The following GPBP1L1 variants were observed in gnomAD, a reference collection of about 807,000 sequenced individuals.
The protein encoded by GPBP1L1 is GC-rich promoter binding protein 1 like 1, also known as vasculin-like protein 1.
A neutral mutation model predicts 52.5 loss-of-function variants in GPBP1L1; 23 were observed. The observed-to-expected ratio is 0.44, with a 90% confidence interval of 0.32 to 0.62. The LOEUF (loss-of-function observed/expected upper bound fraction) is 0.62, where lower values mean the gene tolerates loss of function less well. Among genes scored for constraint, GPBP1L1 ranks in the 20% least tolerant of loss-of-function variants. GPBP1L1 has a pLI of 0.06. For missense variants in GPBP1L1, 596 were observed against 579.3 expected (o/e 1.03, Z -0.30); for synonymous variants, 243 against 203.1 (o/e 1.20, Z -1.67).
rs543799407 is a variant in GPBP1L1 at position 45,642,646 on chromosome 1, C to T, written c.478-147G>A. The stretch of plus-strand genomic sequence containing the variant: ...ACTAATTTGACACTGTATTCAGAAA[C>T]GTAACAAACAGAAAATATCAAAACA... On this transcript the variant is annotated intron_variant, in intron 6 of 12. Transcript: ENST00000355105. 115 of 639,748 alleles carry T rather than the reference C, an allele frequency of 1.8e-4. No homozygotes were observed. The Middle Eastern group carries it at 2.9e-3, about 16-fold the overall frequency. The allele number at this position is 639,748 out of a possible 1,614,324, so 39.6% of individuals were successfully genotyped here. A position where few individuals can be genotyped will look rare whatever the true frequency, so the allele number is the denominator to read the frequency against.
intron 2 of GPBP1L1, among the ~76,000 whole-genome samples, chr1:45,669,313 A>G (rs1178909444): frequency 1.3e-5 from 2 of 152,180 alleles, no homozygotes; most frequent in Non-Finnish European, 2.9e-5. Context: ...CAATAGGCGC[A>G]TGCCACCAAC....
intron 6 of GPBP1L1, among the ~76,000 whole-genome samples, chr1:45,653,229 C>T (rs936427603): frequency 2.0e-5 from 3 of 152,100 alleles, no homozygotes; most frequent in Non-Finnish European, 4.4e-5. Context: ...AGCGACTGAT[C>T]GATGTGCTAC....
chr1:45,628,824 T>C (rs979484795), intron 12 of GPBP1L1, among the ~76,000 whole-genome samples: 1 of 152,082 alleles, frequency 6.6e-6, no homozygotes, highest in Admixed American at 6.5e-5. Flanking sequence ...CCACCACGCC[T>C]AGTTAATTTT....
In GPBP1L1 at chr1:45,654,612, T is replaced by C. The variant is rs1281669442; in HGVS notation, c.408A>G (p.Pro136=). The stretch of plus-strand genomic sequence containing the variant: ...TCTTTTCTTCCCTAATCTCCATAGG[T>C]GGCTTTTCCTGAAAAGCACACCCTT... ...SRKGCAFQEK[P]PMEIREEKKE... The change falls in exon 6 of 13, where the codon CCA becomes CCG. Residue 136 remains proline (P), a synonymous_variant. Transcript: ENST00000355105. 3 of 1,614,088 alleles carry C rather than the reference T, an allele frequency of 1.9e-6. No homozygotes were observed. Among genetic ancestry groups the C allele is most frequent in the Non-Finnish European group, 2.5e-6 (3 of 1,180,014 alleles).
chr1:45,649,478 C>T (rs968262183), intron 6 of GPBP1L1, among the ~76,000 whole-genome samples: 1 of 149,538 alleles, frequency 6.7e-6, no homozygotes, highest in African/African-American at 2.5e-5. Context: ...ATGGCCTTAA[C>T]ATTTTTGAAG....
chr1:45,651,055 G>A, intron 6 of GPBP1L1: 2 of 493,442 alleles, frequency 4.1e-6, no homozygotes, highest in South Asian at 3.0e-5. Context: ...AAGTTCTTTA[G>A]CCTTTGCCTT....
intron 6 of GPBP1L1, among the ~76,000 whole-genome samples, chr1:45,647,997 G>C (rs1644773563): frequency 1.3e-5 from 2 of 152,078 alleles, no homozygotes; most frequent in African/African-American, 4.8e-5. Flanking sequence ...GTGGAATGAA[G>C]TGGTGCCATC....
At chr1:45,651,076 G>A (rs1017958152) in intron 6 of GPBP1L1, 1 of 502,150 alleles carries the variant, frequency 2.0e-6, no homozygotes, top group East Asian at 5.4e-5. Flanking sequence ...TTTGAGCTTG[G>A]CAATGCGAGT....
chr1:45,685,083 CAA>C (rs1336814913), intron 2 of GPBP1L1, among the ~76,000 whole-genome samples: 1 of 150,210 alleles, frequency 6.7e-6, no homozygotes, highest in East Asian at 1.9e-4. Context: ...AAAAAGCAAA[CAA>C]AAGACAGTCT....
At chr1:45,646,957 T>C (rs1284155687) in intron 6 of GPBP1L1, among the ~76,000 whole-genome samples, 1 of 151,930 alleles carries the variant, frequency 6.6e-6, no homozygotes, top group Non-Finnish European at 1.5e-5. Flanking sequence ...TCTGCCAAAC[T>C]TTTTTTTCCC....
At chr1:45,649,263 T>TAA (rs1644791436) in intron 6 of GPBP1L1, among the ~76,000 whole-genome samples, 1 of 152,240 alleles carries the variant, frequency 6.6e-6, no homozygotes, top group Non-Finnish European at 1.5e-5. Flanking sequence ...AAGGATATCT[T>TAA]TTACATAATC....
At chr1:45,634,942 A>G (rs1181163349) in intron 8 of GPBP1L1, 1 of 152,140 alleles carries the variant, frequency 6.6e-6, no homozygotes, top group African/African-American at 2.4e-5. Flanking sequence ...CAAATGAAAA[A>G]CTTCCAACTT....
intron 2 of GPBP1L1, among the ~76,000 whole-genome samples, chr1:45,671,031 T>A (rs1645068132): frequency 6.6e-6 from 1 of 151,862 alleles, no homozygotes; most frequent in Non-Finnish European, 1.5e-5. Context: ...TGACCTCAAG[T>A]GATCCGCCCG....
At chr1:45,665,405 G>A (rs2148492385) in intron 2 of GPBP1L1, among the ~76,000 whole-genome samples, 1 of 152,164 alleles carries the variant, frequency 6.6e-6, no homozygotes. Context: ...GTCAGTATTT[G>A]GTAGACAACA....
At chr1:45,680,020 C>T (rs571882161) in intron 2 of GPBP1L1, among the ~76,000 whole-genome samples, 18 of 152,026 alleles carry the variant, frequency 1.2e-4, no homozygotes, top group African/African-American at 4.3e-4. Context: ...GTCAAAGCTG[C>T]AGTGAGCTAT....
chr1:45,668,054 C>G (rs574894860), intron 2 of GPBP1L1, among the ~76,000 whole-genome samples: 2 of 152,234 alleles, frequency 1.3e-5, no homozygotes, highest in Admixed American at 1.3e-4. Context: ...TAACAAAAAT[C>G]TATACAGAAT....
intron 6 of GPBP1L1, chr1:45,651,602 AT>A: frequency 5.9e-6 from 4 of 673,548 alleles, no homozygotes; most frequent in East Asian, 2.7e-5. Flanking sequence ...CGCAGGAGGC[AT>A]TTTCAGCTGC....
chr1:45,680,342 G>C (rs996576065), intron 2 of GPBP1L1, among the ~76,000 whole-genome samples: 12 of 149,964 alleles, frequency 8.0e-5, no homozygotes, highest in African/African-American at 2.7e-4. Flanking sequence ...AGGTTCCAGT[G>C]ATTCTAGTGC....
Position 45,642,455 on chromosome 1 carries a change from T to G in GPBP1L1, c.522A>C (p.Arg174Ser). 1 of 1,613,984 alleles carries G rather than the reference T, an allele frequency of 6.2e-7. No individual in the cohort carries two copies. Residue 174 changes from arginine (R) to serine (S), a missense_variant, in exon 7 of 13, where the codon AGA (arginine) becomes AGC (serine). Transcript: ENST00000355105. ...ATACTCCAGAAGGTGTCCCAATAGG[T>G]CTGCATGGCTGATGCTGTTTGCCAG... ...PEAGKQHQPCRPIGTPSGVWE... is the reference protein window; with the variant it reads ...PEAGKQHQPCSPIGTPSGVWE...
Sources: gnomAD v4.1 joint callset for allele counts (sites outside exome capture counted in the v4.1 genomes callset) on GRCh38, gnomAD v4.1.1 for gene constraint, MANE v1.5 for transcripts, NCBI Gene and HGNC (gene_info 2026-07-23, HGNC 2026-07-21) for gene names.